Variants in MMP26 observed in about 807,000 individuals in gnomAD.
MMP26 encodes matrix metallopeptidase 26, also known as matrix metalloproteinase-26.
Under a neutral mutation model 31.0 loss-of-function variants are expected in MMP26, and 33 were observed. That is an observed-to-expected ratio of 1.06 (90% CI 0.81 to 1.42). The LOEUF (loss-of-function observed/expected upper bound fraction) is 1.42. Ranked by LOEUF, MMP26 falls within the 40% of genes most tolerant of loss-of-function variation. The pLI is 0.00. For missense variants in MMP26, 347 were observed against 316.1 expected, an observed-to-expected ratio of 1.10 and a Z score of -0.74; for synonymous variants, 122 against 114.9, an observed-to-expected ratio of 1.06 and a Z score of -0.40.
intron 1 of MMP26, among the ~76,000 whole-genome samples, chr11:4,754,595 CCATT>C (rs1848484514): frequency 6.6e-6 from 1 of 151,864 alleles, no homozygotes; most frequent in Non-Finnish European, 1.5e-5. Flanking sequence ...TTTTTACAAA[CCATT>C]CAAGTTTATT....
At chr11:4,832,523 C>T (rs992341749) in intron 2 of MMP26, 1 of 152,346 alleles carries the variant, frequency 6.6e-6, no homozygotes, top group Non-Finnish European at 1.5e-5. Flanking sequence ...CATTTGCAAC[C>T]CCCTAAGATA....
chr11:4,946,571 G>T (rs1288599778), intron 2 of MMP26: 1 of 1,588,852 alleles, frequency 6.3e-7, no homozygotes, highest in Admixed American at 1.7e-5. Context: ...GTAGGAATGG[G>T]ATAATTGGTT....
In MMP26 at chr11:4,781,504, G is replaced by A. The variant is rs554777170; in HGVS notation, c.-145+14163G>A. 3.5e-4 allele frequency among the ~76,000 whole-genome samples: 22 copies of A among 63,634 alleles called. 1 individual carries two copies. In the East Asian group the frequency reaches 4.0e-3, roughly 12 times the overall value. 41.7% of individuals were successfully genotyped at this position (63,634 alleles called of 152,430 possible). A position where few individuals can be genotyped will look rare whatever the true frequency, so the allele number is the denominator to read the frequency against. ...GGAGCTTGCAGTGAGCCGAGATTGC[G>A]CCACTGCAGTCCGCAGTCCGGCCTG... On this transcript the variant is annotated intron_variant, in intron 2 of 7. Transcript: ENST00000380390.
At chr11:4,711,143 A>G (rs563271952) in intron 1 of MMP26, 2 of 152,352 alleles carry the variant, frequency 1.3e-5, no homozygotes, top group Admixed American at 1.3e-4. Flanking sequence ...TGTTCAACAC[A>G]TCATTCATTA....
chr11:4,813,983 G>A (rs543490123), intron 2 of MMP26, among the ~76,000 whole-genome samples: 2 of 152,100 alleles, frequency 1.3e-5, no homozygotes, highest in Admixed American at 6.5e-5. Flanking sequence ...TAAACAGGCC[G>A]TGTACAGCAA....
At chr11:4,882,558 A>G (rs762621077) in intron 2 of MMP26, 1 of 1,613,734 alleles carries the variant, frequency 6.2e-7, no homozygotes, top group Non-Finnish European at 8.5e-7. Flanking sequence ...CTTTTCTCCT[A>G]TGTCCTGATC....
intron 1 of MMP26, among the ~76,000 whole-genome samples, 190 bp downstream of exon 1, chr11:4,705,235 T>C (rs1392501935): frequency 6.6e-6 from 1 of 152,116 alleles, no homozygotes; most frequent in African/African-American, 2.4e-5. Context: ...AAATATAGAC[T>C]ACAGTCATCA....
chr11:4,803,551 A>G lies in MMP26; in HGVS notation c.-145+36210A>G, dbSNP rs1228377056. On this transcript the variant is annotated intron_variant, in intron 2 of 7. Coordinates refer to ENST00000380390, the MANE Select transcript of MMP26 (RefSeq NM_021801.5). The stretch of plus-strand genomic sequence containing the variant: ...CAGTAGATAGAGATTAGCAAACAGG[A>G]TGTGTACAACTCGGGGCACATCATG... 3 of 1,613,936 alleles carry G rather than the reference A, an allele frequency of 1.9e-6. No homozygotes were observed. The highest frequency in any genetic ancestry group is 1.7e-5 in the Admixed American group (1 of 59,992).
intron 2 of MMP26, among the ~76,000 whole-genome samples, chr11:4,855,290 T>G (rs1318621843): frequency 6.6e-6 from 1 of 152,128 alleles, no homozygotes; most frequent in East Asian, 1.9e-4. Context: ...AGGAGGATGT[T>G]TGAACCCATT....
intron 2 of MMP26, among the ~76,000 whole-genome samples, chr11:4,968,971 T>G (rs768719355): frequency 2.6e-5 from 4 of 152,036 alleles, no homozygotes; most frequent in Non-Finnish European, 4.4e-5. Context: ...ATACTTTTTC[T>G]TCTTGAAAAC....
intron 5 of MMP26, 151 bp from the exon 6 acceptor site, chr11:4,991,220 T>C (rs1846996667): frequency 3.1e-6 from 3 of 982,936 alleles, no homozygotes; most frequent in Non-Finnish European, 4.3e-6. Context: ...CCCCACCTTA[T>C]TTCTCTGCAT....
intron 2 of MMP26, chr11:4,914,712 GAC>G (rs2133573335): frequency 1.3e-6 from 2 of 1,595,450 alleles, no homozygotes; most frequent in Non-Finnish European, 1.7e-6. Flanking sequence ...TCTAACACTA[GAC>G]ACAGTTAGTA....
At chr11:4,864,529 T>G (rs35645910) in intron 2 of MMP26, among the ~76,000 whole-genome samples, 24,103 of 152,224 alleles carry the variant, frequency 0.16, 2,327 homozygotes, top group South Asian at 0.32. Context: ...GGTTATTCAT[T>G]TATTTTTAAT....
chr11:4,838,987 G>T (rs1396414554), intron 2 of MMP26, among the ~76,000 whole-genome samples: 1 of 152,192 alleles, frequency 6.6e-6, no homozygotes, highest in Non-Finnish European at 1.5e-5. Flanking sequence ...GTCTCTGGGT[G>T]CTTGGAGAGG....
At chr11:4,769,180 A>T in intron 2 of MMP26, 3 of 1,613,724 alleles carry the variant, frequency 1.9e-6, no homozygotes, top group Non-Finnish European at 2.5e-6. Flanking sequence ...CTGCTCCCAC[A>T]TGGGAGACAC....
intron 2 of MMP26, chr11:4,972,839 G>A (rs918862431): frequency 2.0e-5 from 3 of 152,166 alleles, no homozygotes; most frequent in Admixed American, 6.5e-5. Context: ...TGAACAGATT[G>A]AGAAATTATA....
At chr11:4,934,192 A>G (rs980516637) in intron 2 of MMP26, among the ~76,000 whole-genome samples, 80 of 146,658 alleles carry the variant, frequency 5.5e-4, no homozygotes, top group African/African-American at 2.0e-3. Context: ...TCCCACCAAC[A>G]GTGTAAAAGT....
At chr11:4,961,410 C>T (rs972027105) in intron 2 of MMP26, among the ~76,000 whole-genome samples, 11 of 152,146 alleles carry the variant, frequency 7.2e-5, no homozygotes, top group African/African-American at 1.9e-4. Context: ...TCCTCTTACA[C>T]GCACACACTG....
chr11:4,730,424 G>GAGAGAGAGAGAGAT (rs1305924181), intron 1 of MMP26, among the ~76,000 whole-genome samples: 1 of 152,002 alleles, frequency 6.6e-6, no homozygotes, highest in African/African-American at 2.4e-5. Flanking sequence ...GAGAGAGAGA[G>GAGAGAGAGAGAGAT]AGAGAGCAAG....
Sources: allele counts gnomAD v4.1 joint callset (sites outside exome capture counted in the v4.1 genomes callset), GRCh38; gene constraint gnomAD v4.1.1; transcripts MANE v1.5; gene names NCBI Gene and HGNC (gene_info 2026-07-23, HGNC 2026-07-21).